TMEM45B: variants seen among roughly 807,000 people sequenced by gnomAD.
TMEM45B encodes the protein transmembrane protein 45B.
A neutral mutation model predicts 27.3 loss-of-function variants in TMEM45B; 29 were observed. That is an observed-to-expected ratio of 1.06 (90% CI 0.79 to 1.45). The LOEUF (loss-of-function observed/expected upper bound fraction) is 1.45, where lower values mean the gene tolerates loss of function less well. TMEM45B is among the 40% of genes most tolerant of loss of function. The pLI is 0.00. For synonymous variants in TMEM45B, 143 were observed against 134.7 expected, an observed-to-expected ratio of 1.06 and a Z score of -0.43; for missense variants, 348 against 343.9, an observed-to-expected ratio of 1.01 and a Z score of -0.09.
intron 1 of TMEM45B, among the ~76,000 whole-genome samples, chr11:129,816,376 G>C (rs1016825668): frequency 3.3e-5 from 5 of 152,118 alleles, no homozygotes; most frequent in African/African-American, 1.2e-4. Context: ...CTGGGCACTG[G>C]TACCGACTGC....
At chr11:129,853,583 A>G (rs968474293) in intron 2 of TMEM45B, among the ~76,000 whole-genome samples, 6 of 152,230 alleles carry the variant, frequency 3.9e-5, no homozygotes, top group Admixed American at 2.6e-4. Context: ...TAGGACAATT[A>G]CAATATTTGG....
intron 1 of TMEM45B, among the ~76,000 whole-genome samples, chr11:129,826,676 T>C (rs539601705): frequency 6.6e-6 from 1 of 151,124 alleles, no homozygotes; most frequent in Non-Finnish European, 1.5e-5. Flanking sequence ...TCTTGTTAGA[T>C]AGTGAGAAAA....
intron 1 of TMEM45B, among the ~76,000 whole-genome samples, chr11:129,824,511 G>A (rs1947456376): frequency 6.6e-6 from 1 of 152,108 alleles, no homozygotes; most frequent in South Asian, 2.1e-4. Flanking sequence ...AGAAATCAAG[G>A]GACTTACCTA....
At position 129,858,687 on chromosome 11, in the gene TMEM45B, C is replaced by A. The variant is rs759293188; in HGVS notation, c.*2C>A. 2.3e-5 allele frequency: 35 copies of A among 1,553,244 alleles called. No homozygotes were observed. The highest frequency in any genetic ancestry group is 3.0e-5 in the Non-Finnish European group (34 of 1,146,520). On this transcript the variant is annotated 3_prime_UTR_variant, in exon 6 of 6. Coordinates refer to ENST00000281441, the MANE Select transcript of TMEM45B (RefSeq NM_138788.5). Reference sequence around the variant, plus strand: ...TTGAGTGGCTCAGATGAGGAATGAGCCGAGATGCGGAGGGCGCAGATGTCC... The same window carrying A: ...TTGAGTGGCTCAGATGAGGAATGAGACGAGATGCGGAGGGCGCAGATGTCC...
At chr11:129,857,203 A>C (rs1184068661) in intron 4 of TMEM45B, 110 bp from the exon 5 acceptor site, 1 of 1,279,028 alleles carries the variant, frequency 7.8e-7, no homozygotes, top group African/African-American at 1.5e-5. Context: ...AAGTGTGGGA[A>C]CTATGAGGCG....
rs1306310121 is a variant in TMEM45B at position 129,854,670 on chromosome 11, A to G, written c.239A>G (p.His80Arg). The G allele has an allele frequency of 1.9e-5, 30 of 1,614,196 alleles. No individual in the cohort carries two copies. The highest frequency in any genetic ancestry group is 2.5e-5 in the Non-Finnish European group (30 of 1,180,034). Residue 80 changes from histidine to arginine, a missense_variant, in exon 3 of 6, where the codon CAC becomes CGC. Physicochemically the swap from His to Arg is conservative, Grantham distance 29 (BLOSUM62 0). Coordinates refer to ENST00000281441, the MANE Select transcript of TMEM45B (RefSeq NM_138788.5). ...CACCTGCACCTCTACCATGAGAACCACTGGATAAAGTTAATGAATTGGCAG... is the reference window on the plus strand; with the variant it reads ...CACCTGCACCTCTACCATGAGAACCGCTGGATAAAGTTAATGAATTGGCAG... ...GPHLHLYHENHWIKLMNWQHS... is the reference protein window; with the variant it reads ...GPHLHLYHENRWIKLMNWQHS...
chr11:129,838,007 C>T (rs61916118), intron 1 of TMEM45B, among the ~76,000 whole-genome samples: 3 of 151,744 alleles, frequency 2.0e-5, no homozygotes, highest in Non-Finnish European at 4.4e-5. Flanking sequence ...GTCTCAAATT[C>T]CTGATCTCAG....
At chr11:129,854,527 C>T (rs755018584) in intron 2 of TMEM45B, 83 bp from the exon 3 acceptor site, 63 of 1,432,680 alleles carry the variant, frequency 4.4e-5, no homozygotes, top group Non-Finnish European at 5.9e-5. Flanking sequence ...CTCCGCTTCG[C>T]TCATGCCTTT....
At chr11:129,834,827 AAAAG>A (rs200777290) in intron 1 of TMEM45B, among the ~76,000 whole-genome samples, 2 of 145,118 alleles carry the variant, frequency 1.4e-5, no homozygotes, top group Non-Finnish European at 1.5e-5. Flanking sequence ...AAAAAAAAAA[AAAAG>A]AGAGAGAAAC....
At chr11:129,839,075 A>C (rs1947659012) in intron 1 of TMEM45B, among the ~76,000 whole-genome samples, 1 of 151,302 alleles carries the variant, frequency 6.6e-6, no homozygotes, top group Admixed American at 6.6e-5. Context: ...TCTCTTTCTG[A>C]CTCCTTCTAC....
At chr11:129,852,144 T>C (rs1035467417) in intron 1 of TMEM45B, among the ~76,000 whole-genome samples, 3 of 152,238 alleles carry the variant, frequency 2.0e-5, no homozygotes, top group African/African-American at 7.2e-5. Context: ...CGTTTTTCTT[T>C]TCTAGTTCCC....
At chr11:129,829,926 C>G (rs982445874) in intron 1 of TMEM45B, among the ~76,000 whole-genome samples, 23 of 152,138 alleles carry the variant, frequency 1.5e-4, no homozygotes, top group Non-Finnish European at 7.3e-5. Flanking sequence ...CAAGACAATT[C>G]AATAGGGAAA....
In TMEM45B at chr11:129,815,859, G is replaced by C; in HGVS notation, c.-48G>C. 7.6e-7 allele frequency: 1 copy of C among 1,309,130 alleles called. No homozygotes were observed. Among genetic ancestry groups the C allele is most frequent in the Non-Finnish European group, 9.6e-7 (1 of 1,037,320 alleles). 81.1% of individuals were successfully genotyped at this position (1,309,130 alleles called of 1,614,324 possible). A position where few individuals can be genotyped will look rare whatever the true frequency, so the allele number is the denominator to read the frequency against. ...GCTTCTGGGCGGACGCACTTGGCGC[G>C]CGGCGCGGGCTGCAGACGGCTGCGA... On this transcript the variant is annotated 5_prime_UTR_variant, in exon 1 of 6. Coordinates refer to ENST00000281441, the MANE Select transcript of TMEM45B (RefSeq NM_138788.5).
intron 1 of TMEM45B, among the ~76,000 whole-genome samples, chr11:129,819,063 A>G (rs907749346): frequency 2.6e-5 from 4 of 152,216 alleles, no homozygotes; most frequent in African/African-American, 9.7e-5. Context: ...TCAAATGCCT[A>G]TGGACCTTCT....
intron 2 of TMEM45B, among the ~76,000 whole-genome samples, chr11:129,853,970 C>T (rs7117897): frequency 0.54 from 81,917 of 152,032 alleles, 22,172 homozygotes; most frequent in Middle Eastern, 0.59. Context: ...TATCCTGTGT[C>T]GCAGTTTCGT....
chr11:129,821,047 C>T (rs1176326657), intron 1 of TMEM45B, among the ~76,000 whole-genome samples: 13 of 152,184 alleles, frequency 8.5e-5, no homozygotes, highest in African/African-American at 2.4e-4. Flanking sequence ...GTTCCCAGTA[C>T]GGTTATATCC....
Position 129,858,695 on chromosome 11 carries a change from C to A in TMEM45B, c.*10C>A. 6.5e-7 allele frequency: 1 copy of A among 1,543,346 alleles called. No homozygotes were observed. Among genetic ancestry groups the A allele is most frequent in the Non-Finnish European group, 8.8e-7 (1 of 1,138,862 alleles). ...CTCAGATGAGGAATGAGCCGAGATG[C>A]GGAGGGCGCAGATGTCCCACTGCAC... On this transcript the variant is annotated 3_prime_UTR_variant, in exon 6 of 6. Coordinates refer to ENST00000281441, the MANE Select transcript of TMEM45B (RefSeq NM_138788.5).
At chr11:129,847,565 T>G (rs1279727452) in intron 1 of TMEM45B, among the ~76,000 whole-genome samples, 2 of 150,890 alleles carry the variant, frequency 1.3e-5, no homozygotes, top group Non-Finnish European at 3.0e-5. Context: ...CCTGGGTACT[T>G]GAGATTAGGG....
chr11:129,838,839 T>G (rs1329947442), intron 1 of TMEM45B, among the ~76,000 whole-genome samples: 1 of 152,208 alleles, frequency 6.6e-6, no homozygotes, highest in Non-Finnish European at 1.5e-5. Context: ...ATTCTTCCAT[T>G]CATGTGGACA....
Sources: allele counts gnomAD v4.1 joint callset (sites outside exome capture counted in the v4.1 genomes callset), GRCh38; gene constraint gnomAD v4.1.1; transcripts MANE v1.5; gene names NCBI Gene and HGNC (gene_info 2026-07-23, HGNC 2026-07-21).